The following PIK3C2A variants were observed in gnomAD, a reference collection of about 807,000 sequenced individuals.
The protein encoded by PIK3C2A is phosphatidylinositol-4-phosphate 3-kinase catalytic subunit type 2 alpha.
A neutral mutation model predicts 204.5 loss-of-function variants in PIK3C2A; 97 were observed. The ratio of observed to expected loss-of-function variants is 0.47; its 90% CI spans 0.40 to 0.56. PIK3C2A has a LOEUF of 0.56. Among genes scored for constraint, PIK3C2A ranks in the 20% least tolerant of loss-of-function variants. PIK3C2A has a pLI of 0.00. For missense variants in PIK3C2A, 1,735 were observed against 1,969.2 expected (o/e 0.88, Z 2.25); for synonymous variants, 653 against 664.4 (o/e 0.98, Z 0.26).
intron 22 of PIK3C2A, among the ~76,000 whole-genome samples, chr11:17,109,680 C>T (rs1848935425): frequency 6.6e-6 from 1 of 152,090 alleles, no homozygotes; most frequent in Admixed American, 6.6e-5. Flanking sequence ...CCTCTCACCC[C>T]ATCCTCCAGA....
At chr11:17,103,617 A>T (rs986056660) in intron 23 of PIK3C2A, among the ~76,000 whole-genome samples, 1 of 151,804 alleles carries the variant, frequency 6.6e-6, no homozygotes. Context: ...ATGTGTGTAT[A>T]TGTGTGTGTG....
intron 1 of PIK3C2A, among the ~76,000 whole-genome samples, chr11:17,185,226 C>A (rs987932963): frequency 9.2e-5 from 14 of 152,068 alleles, no homozygotes; most frequent in Non-Finnish European, 5.9e-5. Flanking sequence ...GTTGCAATTG[C>A]CTACAGTATT....
At chr11:17,201,876 G>A (rs1852398559) in intron 1 of PIK3C2A, among the ~76,000 whole-genome samples, 1 of 152,134 alleles carries the variant, frequency 6.6e-6, no homozygotes, top group Non-Finnish European at 1.5e-5. Context: ...CCAAAGGCAG[G>A]AAGTAACTAT....
At chr11:17,144,288 G>A (rs992058760) in intron 8 of PIK3C2A, among the ~76,000 whole-genome samples, 3 of 152,144 alleles carry the variant, frequency 2.0e-5, no homozygotes, top group African/African-American at 7.2e-5. Flanking sequence ...CTCAACTTAG[G>A]TAAGGTGCTC....
rs369590278 is a variant in PIK3C2A, at chr11:17,102,161, G to A, written c.3851+501C>T. 4.5e-4 allele frequency among the ~76,000 whole-genome samples: 68 copies of A among 152,196 alleles called. 1 individual carries two copies. The South Asian group carries it at 0.014, about 30-fold the overall frequency. ...ATTCATTTCAACAAAGTTTAGCTGC[G>A]CATGGTGGCTCACGCCTGTAATCCC... On this transcript the variant is annotated intron_variant, in intron 24 of 32. Transcript: ENST00000691414.
chr11:17,174,675 G>A (rs1851283627), intron 1 of PIK3C2A, among the ~76,000 whole-genome samples: 1 of 151,344 alleles, frequency 6.6e-6, no homozygotes, highest in South Asian at 2.1e-4. Context: ...GAGGCAAGTG[G>A]ATCACCTGAG....
At chr11:17,151,487 TA>T in intron 3 of PIK3C2A, among the ~76,000 whole-genome samples, 1 of 152,192 alleles carries the variant, frequency 6.6e-6, no homozygotes, top group Non-Finnish European at 1.5e-5. Context: ...ATAAGTAGAA[TA>T]AAACAGCTTG....
chr11:17,150,710 G>T (rs1014346418), intron 3 of PIK3C2A, 55 bp from the exon 4 acceptor site: 2 of 1,348,354 alleles, frequency 1.5e-6, no homozygotes, highest in African/African-American at 1.5e-5. Flanking sequence ...TCATTTGAGG[G>T]CTCTGAACAA....
chr11:17,094,416 A>C (rs1440646730), intron 27 of PIK3C2A, 31 bp from the exon 28 acceptor site: 2 of 1,583,660 alleles, frequency 1.3e-6, no homozygotes, highest in South Asian at 1.1e-5. Context: ...AAACACATAA[A>C]ATTTATATTT....
intron 11 of PIK3C2A, among the ~76,000 whole-genome samples, chr11:17,133,126 T>C (rs1350874461): frequency 2.6e-5 from 4 of 152,222 alleles, no homozygotes; most frequent in Non-Finnish European, 5.9e-5. Context: ...CTCAACTTTA[T>C]TCCATTTACT....
chr11:17,120,031 A>G (rs1849323374), intron 15 of PIK3C2A, 57 bp from the exon 16 acceptor site: 5 of 678,602 alleles, frequency 7.4e-6, no homozygotes, highest in Non-Finnish European at 6.9e-6. Flanking sequence ...ATATAATCTC[A>G]ATGATTAAAA....
chr11:17,165,800 A>C (rs1206962536), intron 2 of PIK3C2A, among the ~76,000 whole-genome samples: 1 of 150,660 alleles, frequency 6.6e-6, no homozygotes, highest in African/African-American at 2.4e-5. Context: ...AAAAAAAAAA[A>C]AAAAAAAAGG....
intron 1 of PIK3C2A, among the ~76,000 whole-genome samples, chr11:17,179,377 GT>G (rs1338999383): frequency 6.6e-6 from 1 of 151,480 alleles, no homozygotes; most frequent in African/African-American, 2.4e-5. Context: ...GCCCAGGCTG[GT>G]CTCAAACTCC....
At chr11:17,179,731 C>A (rs1851469802) in intron 1 of PIK3C2A, among the ~76,000 whole-genome samples, 1 of 152,064 alleles carries the variant, frequency 6.6e-6, no homozygotes, top group Non-Finnish European at 1.5e-5. Flanking sequence ...GATCCTCCTG[C>A]CTCAGCCTCC....
chr11:17,188,542 T>A (rs1232858008), intron 1 of PIK3C2A, among the ~76,000 whole-genome samples: 1 of 146,666 alleles, frequency 6.8e-6, no homozygotes, highest in Non-Finnish European at 1.5e-5. Context: ...TAATGCCAAA[T>A]GTAGGCTAGC....
chr11:17,154,957 A>G (rs1357825706), intron 3 of PIK3C2A, among the ~76,000 whole-genome samples: 1 of 152,228 alleles, frequency 6.6e-6, no homozygotes, highest in Non-Finnish European at 1.5e-5. Context: ...ATGCTTAACC[A>G]GAAGCAAAAG....
intron 26 of PIK3C2A, among the ~76,000 whole-genome samples, chr11:17,099,137 C>T (rs1011259568): frequency 4.6e-5 from 7 of 152,120 alleles, no homozygotes; most frequent in African/African-American, 1.7e-4. Flanking sequence ...TCAGGTAATC[C>T]GCCCGCCTCG....
At chr11:17,178,092 C>CAAAAAAAAAAAAAAAAAAAAAA (rs750346823) in intron 1 of PIK3C2A, among the ~76,000 whole-genome samples, 1 of 64,136 alleles carries the variant, frequency 1.6e-5, no homozygotes, top group African/African-American at 9.7e-5. Context: ...GACTCCATCT[C>CAAAAAAAAAAAAAAAAAAAAAA]AAAAAAAAAA....
intron 1 of PIK3C2A, chr11:17,204,224 C>G (rs1387722620): frequency 6.6e-6 from 1 of 152,194 alleles, no homozygotes; most frequent in Admixed American, 6.5e-5. Context: ...TGAAATGTGG[C>G]TGTTCCAAAT....
Sources: gnomAD v4.1 joint callset for allele counts (sites outside exome capture counted in the v4.1 genomes callset) on GRCh38, gnomAD v4.1.1 for gene constraint, MANE v1.5 for transcripts, NCBI Gene and HGNC (gene_info 2026-07-23, HGNC 2026-07-21) for gene names.